Variants in ST18 observed in about 807,000 individuals in gnomAD.
ST18 encodes the protein suppression of tumorigenicity 18 protein.
Under a neutral mutation model 110.0 loss-of-function variants are expected in ST18, and 50 were observed. The ratio of observed to expected loss-of-function variants is 0.45; its 90% CI spans 0.36 to 0.58. The LOEUF is 0.58. ST18 is among the 20% of genes least tolerant of loss of function. The probability of loss-of-function intolerance (pLI) is 0.00; values close to 1 mark genes in which losing one functional copy is unlikely to be tolerated. For synonymous variants in ST18, 461 were observed against 452.4 expected (o/e 1.02, Z -0.24); for missense variants, 1,306 against 1,280.1 (o/e 1.02, Z -0.31).
At chr8:52,257,716 A>G (rs1231670843) in intron 2 of ST18, among the ~76,000 whole-genome samples, 1 of 152,082 alleles carries the variant, frequency 6.6e-6, no homozygotes, top group African/African-American at 2.4e-5. Context: ...AATTTGCAAA[A>G]CTTTTCTCCC....
intron 8 of ST18, among the ~76,000 whole-genome samples, chr8:52,208,773 G>A (rs991270913): frequency 2.9e-4 from 44 of 152,266 alleles, no homozygotes; most frequent in African/African-American, 9.1e-4. Context: ...AGCCCAGATC[G>A]CGCCACTGCA....
chr8:52,241,892 T>C (rs1256856374), intron 2 of ST18, among the ~76,000 whole-genome samples: 1 of 152,176 alleles, frequency 6.6e-6, no homozygotes, highest in African/African-American at 2.4e-5. Context: ...TTTTTTTCCA[T>C]TAGAGGCACA....
At chr8:52,304,348 A>G (rs796810409) in intron 2 of ST18, among the ~76,000 whole-genome samples, 22 of 152,324 alleles carry the variant, frequency 1.4e-4, no homozygotes, top group African/African-American at 5.3e-4. Flanking sequence ...ACACATGTGC[A>G]CCCGCACACC....
chr8:52,153,754 A>C (rs1410710360), intron 15 of ST18, among the ~76,000 whole-genome samples: 2 of 152,206 alleles, frequency 1.3e-5, no homozygotes, highest in Non-Finnish European at 2.9e-5. Context: ...GACAGGCATG[A>C]GTTCAAATTT....
intron 2 of ST18, among the ~76,000 whole-genome samples, chr8:52,299,562 G>T (rs555105349): frequency 6.6e-6 from 1 of 152,188 alleles, no homozygotes; most frequent in East Asian, 1.9e-4. Context: ...CCTGTGCTTT[G>T]CTCTGTTATT....
chr8:52,221,351 C>CAA (rs1223003171), intron 4 of ST18, among the ~76,000 whole-genome samples: 1 of 152,046 alleles, frequency 6.6e-6, no homozygotes, highest in African/African-American at 2.4e-5. Flanking sequence ...AACATGATAC[C>CAA]AATCCTTTTG....
At chr8:52,318,761 C>A (rs116947900) in intron 2 of ST18, among the ~76,000 whole-genome samples, 2,876 of 152,188 alleles carry the variant, frequency 0.019, 49 homozygotes, top group Non-Finnish European at 0.028. Flanking sequence ...TAAAAAGGAA[C>A]AAGATCGTAT....
At position 52,164,091 on chromosome 8, in the gene ST18, CT is replaced by C. The variant is rs1563791682; in HGVS notation, c.1296-2del. 6.2e-7 allele frequency: 1 copy of C among 1,613,078 alleles called. No individual in the cohort carries two copies. The highest frequency in any genetic ancestry group is 8.5e-7 in the Non-Finnish European group (1 of 1,179,312). On this transcript the variant is annotated splice_acceptor_variant, in intron 12 of 25. Coordinates refer to ENST00000689386, the MANE Select transcript of ST18 (RefSeq NM_001352837.2). LOFTEE classifies it high-confidence loss of function. ...TGCAGCAATTGGACAACCAGAAAGA[CT>C]GTTTAAAAAAAGAAACACAGGAGGA...
chr8:52,388,854 T>G (rs528447633), intron 2 of ST18, among the ~76,000 whole-genome samples: 26 of 145,418 alleles, frequency 1.8e-4, no homozygotes, highest in Non-Finnish European at 3.5e-4. Flanking sequence ...TTAGGAGATA[T>G]ACCTAATGCT....
intron 2 of ST18, among the ~76,000 whole-genome samples, chr8:52,378,171 C>G (rs933205841): frequency 6.6e-6 from 1 of 152,018 alleles, no homozygotes; most frequent in Admixed American, 6.5e-5. Flanking sequence ...TAAATAAGAC[C>G]TAGTATTTAG....
Position 52,203,141 on chromosome 8 carries a change from T to C in ST18, c.86+8938A>G, listed in dbSNP as rs538976143. Among the ~76,000 whole-genome samples the C allele has an allele frequency of 5.3e-5, 8 of 152,316 alleles. No individual in the cohort carries two copies. In the East Asian group the frequency reaches 1.5e-3, roughly 29 times the overall value. Reference sequence around the variant, plus strand: ...GCAGTATATTAAAAAGTCAGAATTATGTATGATAAATTAAAAATTGTTTTA... The same window carrying C: ...GCAGTATATTAAAAAGTCAGAATTACGTATGATAAATTAAAAATTGTTTTA... On this transcript the variant is annotated intron_variant, in intron 8 of 25. Transcript: ENST00000689386.
At chr8:52,298,339 A>ATCT (rs2095665280) in intron 2 of ST18, among the ~76,000 whole-genome samples, 1 of 152,244 alleles carries the variant, frequency 6.6e-6, no homozygotes, top group African/African-American at 2.4e-5. Context: ...AGCATGGAAT[A>ATCT]TTAAGTAGCA....
Position 52,182,271 on chromosome 8 carries a change from C to T in ST18, c.87-1959G>A, listed in dbSNP as rs551301446. Reference sequence around the variant, plus strand: ...ATTTCAATTCTTTTACATAAATACCCAGAAGTGGGGCTGCTGGATCATATG... The same window carrying T: ...ATTTCAATTCTTTTACATAAATACCTAGAAGTGGGGCTGCTGGATCATATG... On this transcript the variant is annotated intron_variant, in intron 8 of 25. Transcript: ENST00000689386. Among the ~76,000 whole-genome samples the T allele has an allele frequency of 7.3e-5, 11 of 150,192 alleles. 1 individual carries two copies. In the South Asian group the frequency reaches 2.1e-3, roughly 28 times the overall value.
chr8:52,320,172 G>A (rs1005435664), intron 2 of ST18, among the ~76,000 whole-genome samples: 15 of 152,158 alleles, frequency 9.9e-5, no homozygotes, highest in Non-Finnish European at 1.6e-4. Context: ...AGAAAGTACA[G>A]AAACATTTGT....
chr8:52,115,000 A>G (rs1256738664), intron 25 of ST18, among the ~76,000 whole-genome samples: 1 of 152,240 alleles, frequency 6.6e-6, no homozygotes, highest in Non-Finnish European at 1.5e-5. Context: ...CAACATTCAT[A>G]AATAACATTG....
intron 2 of ST18, among the ~76,000 whole-genome samples, chr8:52,358,054 T>G (rs1453425330): frequency 6.6e-6 from 1 of 151,848 alleles, no homozygotes; most frequent in Non-Finnish European, 1.5e-5. Flanking sequence ...GAATGAAAAC[T>G]GAAAAATTTA....
At chr8:52,316,323 G>A (rs2096024651) in intron 2 of ST18, among the ~76,000 whole-genome samples, 2 of 152,166 alleles carry the variant, frequency 1.3e-5, no homozygotes, top group Admixed American at 1.3e-4. Context: ...AATTTTAATA[G>A]TTACCATCAA....
intron 2 of ST18, among the ~76,000 whole-genome samples, chr8:52,395,043 T>C (rs896227823): frequency 6.6e-6 from 1 of 152,168 alleles, no homozygotes; most frequent in Non-Finnish European, 1.5e-5. Flanking sequence ...ACGTCAGTCA[T>C]GGGGGAGGTC....
chr8:52,222,742 AC>A (rs890242048), intron 3 of ST18, among the ~76,000 whole-genome samples: 64 of 152,302 alleles, frequency 4.2e-4, no homozygotes, highest in African/African-American at 1.5e-3. Flanking sequence ...TCAAGGAGAT[AC>A]CTTTAAAAAA....
Sources: allele counts gnomAD v4.1 joint callset (sites outside exome capture counted in the v4.1 genomes callset), GRCh38; gene constraint gnomAD v4.1.1; transcripts MANE v1.5; gene names NCBI Gene and HGNC (gene_info 2026-07-23, HGNC 2026-07-21).